GPC6: variants seen among roughly 807,000 people sequenced by gnomAD.
GPC6 encodes the protein glypican 6, also known as glypican-6.
Under a neutral mutation model 55.2 loss-of-function variants are expected in GPC6, and 14 were observed. The ratio of observed to expected loss-of-function variants is 0.25; its 90% CI spans 0.17 to 0.40. GPC6 has a LOEUF of 0.40. Among genes scored for constraint, GPC6 ranks in the 10% least tolerant of loss-of-function variants. GPC6 has a pLI of 1.00. For missense variants in GPC6, 641 were observed against 708.5 expected, an observed-to-expected ratio of 0.90 and a Z score of 1.08; for synonymous variants, 278 against 259.6, an observed-to-expected ratio of 1.07 and a Z score of -0.68.
chr13:93,398,905 C>T (rs750224203), intron 1 of GPC6, among the ~76,000 whole-genome samples: 10 of 152,146 alleles, frequency 6.6e-5, no homozygotes, highest in African/African-American at 2.2e-4. Flanking sequence ...TTGATTCAGT[C>T]CCACTGGCTA....
chr13:93,562,930 T>C (rs763875219), intron 2 of GPC6, among the ~76,000 whole-genome samples: 136 of 152,174 alleles, frequency 8.9e-4, no homozygotes, highest in Non-Finnish European at 1.5e-3. Context: ...GAAGTAGGAA[T>C]TAATCCAGTC....
chr13:93,987,619 A>G (rs1277630671), intron 3 of GPC6, among the ~76,000 whole-genome samples: 1 of 152,076 alleles, frequency 6.6e-6, no homozygotes, highest in Non-Finnish European at 1.5e-5. Flanking sequence ...TCACTTTCCT[A>G]TGTGTGTCAG....
rs1349101510 is a variant in GPC6 at position 93,509,819 on chromosome 13, ATTTAC to A, written c.161-35439_161-35435del. On this transcript the variant is annotated intron_variant, in intron 1 of 8. Transcript: ENST00000377047. ...ATGAAGTGCCTGCTATTGCATTTTA[ATTTAC>A]TTTAGGAAATTGCCTACTTTGTTAT... Among the ~76,000 whole-genome samples, 3 of 152,172 alleles carry A rather than the reference ATTTAC, an allele frequency of 2.0e-5. No homozygotes were observed. In the East Asian group the frequency reaches 5.8e-4, roughly 29 times the overall value.
chr13:93,528,768 A>G lies in GPC6; in HGVS notation c.161-16495A>G, dbSNP rs1162857343. On this transcript the variant is annotated intron_variant, in intron 1 of 8. Coordinates refer to ENST00000377047, the MANE Select transcript of GPC6 (RefSeq NM_005708.5). ...CGATTAGCCTTTCTTTTGGATATGA[A>G]GACAATATATTTATGAAACACAAAT... is the stretch of plus-strand genomic sequence containing the variant. Among the ~76,000 whole-genome samples, 3 of 152,196 alleles carry G rather than the reference A, an allele frequency of 2.0e-5. No individual in the cohort carries two copies. In the East Asian group the frequency reaches 5.8e-4, roughly 29 times the overall value.
At chr13:93,628,912 C>A (rs1218206352) in intron 2 of GPC6, among the ~76,000 whole-genome samples, 2 of 151,328 alleles carry the variant, frequency 1.3e-5, no homozygotes, top group Non-Finnish European at 2.9e-5. Context: ...GGCACAATTA[C>A]AAGAAAGAAG....
intron 1 of GPC6, among the ~76,000 whole-genome samples, chr13:93,383,573 A>G (rs1332755334): frequency 6.6e-6 from 1 of 152,160 alleles, no homozygotes; most frequent in African/African-American, 2.4e-5. Flanking sequence ...TTTCTCTTCT[A>G]GTTACCATTA....
intron 4 of GPC6, among the ~76,000 whole-genome samples, chr13:94,221,149 T>C (rs767425515): frequency 2.0e-4 from 31 of 152,148 alleles, no homozygotes; most frequent in Non-Finnish European, 4.0e-4. Context: ...TTTCTCTGTA[T>C]GACCCCCATG....
intron 4 of GPC6, among the ~76,000 whole-genome samples, chr13:94,143,516 T>A (rs1887455971): frequency 1.3e-5 from 2 of 152,212 alleles, no homozygotes; most frequent in South Asian, 4.1e-4. Flanking sequence ...GATACCTGAT[T>A]ATTAACTTTG....
At chr13:94,009,657 T>C (rs570935528) in intron 3 of GPC6, among the ~76,000 whole-genome samples, 2 of 152,290 alleles carry the variant, frequency 1.3e-5, no homozygotes, top group South Asian at 4.1e-4. Flanking sequence ...TCCCATGTCC[T>C]GCTTTAGGCC....
At chr13:93,307,856 A>G (rs1337785977) in intron 1 of GPC6, among the ~76,000 whole-genome samples, 1 of 152,208 alleles carries the variant, frequency 6.6e-6, no homozygotes, top group Non-Finnish European at 1.5e-5. Flanking sequence ...CACAAAAATG[A>G]TGACTGCAAG....
intron 2 of GPC6, among the ~76,000 whole-genome samples, chr13:93,546,344 T>C (rs1389276388): frequency 1.3e-5 from 2 of 152,200 alleles, no homozygotes; most frequent in African/African-American, 2.4e-5. Context: ...AGTTTTTATG[T>C]TTCTTTTTTA....
intron 3 of GPC6, among the ~76,000 whole-genome samples, chr13:93,977,507 TG>T (rs1880576819): frequency 6.9e-6 from 1 of 145,460 alleles, no homozygotes; most frequent in African/African-American, 2.7e-5. Flanking sequence ...TGTGTGTGTG[TG>T]TGTGTGTGTG....
chr13:93,586,404 G>A (rs1453198999), intron 2 of GPC6, among the ~76,000 whole-genome samples: 2 of 151,994 alleles, frequency 1.3e-5, no homozygotes, highest in Admixed American at 1.3e-4. Flanking sequence ...CTATTGTGTA[G>A]TGCTGCAATG....
chr13:94,146,717 A>G (rs372776355), intron 4 of GPC6, among the ~76,000 whole-genome samples: 1 of 152,184 alleles, frequency 6.6e-6, no homozygotes, highest in Non-Finnish European at 1.5e-5. Flanking sequence ...TTGCAGATGG[A>G]AAGTCCCATA....
At chr13:93,958,334 A>G (rs1046012438) in intron 3 of GPC6, among the ~76,000 whole-genome samples, 2 of 152,178 alleles carry the variant, frequency 1.3e-5, no homozygotes, top group Non-Finnish European at 2.9e-5. Flanking sequence ...TTATAGTTTC[A>G]GGTCTTACAT....
At chr13:93,249,492 G>A (rs979094720) in intron 1 of GPC6, among the ~76,000 whole-genome samples, 7 of 152,202 alleles carry the variant, frequency 4.6e-5, no homozygotes, top group African/African-American at 1.4e-4. Flanking sequence ...TAGGGAACAT[G>A]AAGGCCTTTA....
At chr13:93,708,439 T>C (rs1320984420) in intron 2 of GPC6, among the ~76,000 whole-genome samples, 1 of 151,788 alleles carries the variant, frequency 6.6e-6, no homozygotes, top group African/African-American at 2.4e-5. Flanking sequence ...AATGGCATTG[T>C]GCTCAGTTTA....
chr13:94,371,896 C>G (rs978809151), intron 6 of GPC6, among the ~76,000 whole-genome samples: 2 of 152,132 alleles, frequency 1.3e-5, no homozygotes, highest in Non-Finnish European at 2.9e-5. Flanking sequence ...TCCTATACAG[C>G]CACAACATCA....
intron 4 of GPC6, among the ~76,000 whole-genome samples, chr13:94,145,389 G>A (rs1887526210): frequency 6.6e-6 from 1 of 152,056 alleles, no homozygotes; most frequent in Non-Finnish European, 1.5e-5. Flanking sequence ...ATAGGCCAAT[G>A]GTAAAGTGTC....
Sources: gnomAD v4.1 joint callset for allele counts (sites outside exome capture counted in the v4.1 genomes callset) on GRCh38, gnomAD v4.1.1 for gene constraint, MANE v1.5 for transcripts, NCBI Gene and HGNC (gene_info 2026-07-23, HGNC 2026-07-21) for gene names.